LRFN5: variants seen among roughly 807,000 people sequenced by gnomAD.
LRFN5 encodes leucine-rich repeat and fibronectin type-III domain-containing protein 5.
Under a neutral mutation model 45.6 loss-of-function variants are expected in LRFN5, and 24 were observed. The ratio of observed to expected loss-of-function variants is 0.53; its 90% confidence interval spans 0.38 to 0.74. LRFN5 has a LOEUF of 0.74. Among genes scored for constraint, LRFN5 ranks in the 30% least tolerant of loss-of-function variants. The pLI, the probability that LRFN5 is intolerant of heterozygous loss-of-function variation, is 0.00. For missense variants in LRFN5, 776 were observed against 861.5 expected, an observed-to-expected ratio of 0.90 and a Z score of 1.24; for synonymous variants, 340 against 313.8, an observed-to-expected ratio of 1.08 and a Z score of -0.88.
intron 1 of LRFN5, among the ~76,000 whole-genome samples, chr14:41,684,992 C>T (rs968950166): frequency 6.6e-6 from 1 of 152,188 alleles, no homozygotes; most frequent in African/African-American, 2.4e-5. Context: ...GGGCAAAAGT[C>T]CTGAATAAAT....
At chr14:41,717,652 T>A (rs548742924) in intron 1 of LRFN5, among the ~76,000 whole-genome samples, 2 of 152,216 alleles carry the variant, frequency 1.3e-5, no homozygotes, top group African/African-American at 4.8e-5. Flanking sequence ...CTGTAACTTA[T>A]GGTCAGACCC....
intron 2 of LRFN5, among the ~76,000 whole-genome samples, chr14:41,787,789 T>C (rs942088335): frequency 2.0e-5 from 3 of 152,068 alleles, no homozygotes; most frequent in Admixed American, 2.0e-4. Context: ...ATTTTTATGA[T>C]GCCGCAGTAT....
chr14:41,880,785 A>G (rs1253586169), intron 2 of LRFN5, among the ~76,000 whole-genome samples: 2 of 152,008 alleles, frequency 1.3e-5, no homozygotes, highest in Non-Finnish European at 2.9e-5. Flanking sequence ...CTATCGTGTC[A>G]TTTCATGTGT....
intron 2 of LRFN5, among the ~76,000 whole-genome samples, chr14:41,782,944 A>G (rs373674325): frequency 1.2e-4 from 18 of 144,316 alleles, no homozygotes; most frequent in African/African-American, 4.3e-4. Flanking sequence ...CTTGGCTATA[A>G]TCTTTACAAG....
At chr14:41,879,729 T>TA (rs202017536) in intron 2 of LRFN5, among the ~76,000 whole-genome samples, 3,163 of 150,112 alleles carry the variant, frequency 0.021, 100 homozygotes, top group African/African-American at 0.073. Flanking sequence ...ATGTATCTTC[T>TA]TGTCTATACA....
chr14:41,619,777 A>G (rs1004913577), intron 1 of LRFN5, among the ~76,000 whole-genome samples: 1 of 152,032 alleles, frequency 6.6e-6, no homozygotes, highest in Non-Finnish European at 1.5e-5. Context: ...TATACAGTAC[A>G]TAAACATTGA....
intron 1 of LRFN5, among the ~76,000 whole-genome samples, chr14:41,755,711 C>G (rs1379094478): frequency 1.3e-5 from 2 of 152,176 alleles, no homozygotes; most frequent in Non-Finnish European, 2.9e-5. Flanking sequence ...GGCCTTGACT[C>G]TTTATCCAAT....
chr14:41,723,040 C>T (rs1011956980), intron 1 of LRFN5, among the ~76,000 whole-genome samples: 1 of 152,176 alleles, frequency 6.6e-6, no homozygotes, highest in Admixed American at 6.5e-5. Flanking sequence ...GGTGGGGTAG[C>T]CTCAACTCCT....
At chr14:41,673,705 C>G (rs1881384502) in intron 1 of LRFN5, among the ~76,000 whole-genome samples, 1 of 135,586 alleles carries the variant, frequency 7.4e-6, no homozygotes, top group Non-Finnish European at 1.6e-5. Flanking sequence ...GATGGGGTGG[C>G]TGGCCGGGCA....
chr14:41,863,063 A>G (rs2139101662), intron 2 of LRFN5, among the ~76,000 whole-genome samples: 1 of 151,580 alleles, frequency 6.6e-6, no homozygotes, highest in Non-Finnish European at 1.5e-5. Flanking sequence ...ACGGAGTTTC[A>G]CCGTATTAGC....
At chr14:41,793,548 C>CAT (rs1426910458) in intron 2 of LRFN5, among the ~76,000 whole-genome samples, 10 of 152,114 alleles carry the variant, frequency 6.6e-5, no homozygotes, top group Non-Finnish European at 1.5e-4. Flanking sequence ...ACCCATAAGA[C>CAT]CACTGCCTCC....
At chr14:41,875,983 C>A (rs1315701954) in intron 2 of LRFN5, among the ~76,000 whole-genome samples, 7 of 152,292 alleles carry the variant, frequency 4.6e-5, no homozygotes, top group African/African-American at 1.7e-4. Flanking sequence ...GCTCCTAAAT[C>A]TTTCAGGATA....
chr14:41,663,740 C>G (rs1880766479), intron 1 of LRFN5, among the ~76,000 whole-genome samples: 1 of 151,908 alleles, frequency 6.6e-6, no homozygotes, highest in African/African-American at 2.4e-5. Context: ...TTCTTCTGCA[C>G]TCTGCAACCT....
intron 1 of LRFN5, among the ~76,000 whole-genome samples, chr14:41,755,580 A>G (rs527509039): frequency 6.6e-6 from 1 of 152,200 alleles, no homozygotes; most frequent in South Asian, 2.1e-4. Context: ...AGAGACTAGG[A>G]TTGCAACCCC....
chr14:41,838,808 A>G lies in LRFN5; in HGVS notation c.-20-47798A>G, dbSNP rs113651733. 9.8e-3 allele frequency among the ~76,000 whole-genome samples: 1,489 copies of G among 152,280 alleles called. 25 individuals are homozygous for G. Among genetic ancestry groups the G allele is most frequent in the African/African-American group, 0.034 (1,426 of 41,552 alleles). The stretch of plus-strand genomic sequence containing the variant: ...GATGTGGGAATGTTGACTAGAAAAT[A>G]GATAGCGCTAAAATTATTGGTGGCC... On this transcript the variant is annotated intron_variant, in intron 2 of 5. Coordinates refer to ENST00000298119, the MANE Select transcript of LRFN5 (RefSeq NM_152447.5).
chr14:41,773,000 G>T (rs193223777), intron 2 of LRFN5, among the ~76,000 whole-genome samples: 26 of 152,148 alleles, frequency 1.7e-4, no homozygotes, highest in Middle Eastern at 3.4e-3. Flanking sequence ...TATCTATTTT[G>T]CTTATTCTCC....
chr14:41,628,027 C>G (rs970375515), intron 1 of LRFN5, among the ~76,000 whole-genome samples: 2 of 152,082 alleles, frequency 1.3e-5, no homozygotes, highest in Non-Finnish European at 2.9e-5. Context: ...TGACATTTAA[C>G]TGATAGGTAC....
chr14:41,724,294 A>AT (rs1234499709), intron 1 of LRFN5, among the ~76,000 whole-genome samples: 1 of 152,200 alleles, frequency 6.6e-6, no homozygotes, highest in Non-Finnish European at 1.5e-5. Flanking sequence ...GGGAAAAAAA[A>AT]CTAAAATGAC....
intron 2 of LRFN5, among the ~76,000 whole-genome samples, chr14:41,874,752 G>C (rs1490970775): frequency 2.0e-5 from 3 of 152,192 alleles, no homozygotes; most frequent in African/African-American, 7.2e-5. Context: ...ACATACCCAA[G>C]ATTGGGTAAT....
Sources: allele counts gnomAD v4.1 joint callset (sites outside exome capture counted in the v4.1 genomes callset), GRCh38; gene constraint gnomAD v4.1.1; transcripts MANE v1.5; gene names NCBI Gene and HGNC (gene_info 2026-07-23, HGNC 2026-07-21).